The following TIAM2 variants were observed in gnomAD, a reference collection of about 807,000 sequenced individuals.
TIAM2 encodes the protein TIAM Rac1 associated GEF 2.
In TIAM2, 80 loss-of-function variants were observed where a neutral mutation model predicts 152.9. The observed-to-expected ratio is 0.52, with a 90% CI of 0.44 to 0.63. The LOEUF (loss-of-function observed/expected upper bound fraction) is 0.63. TIAM2 is among the 30% of genes least tolerant of loss of function. The probability of loss-of-function intolerance (pLI) is 0.00; values close to 1 mark genes in which losing one functional copy is unlikely to be tolerated. For synonymous variants in TIAM2, 804 were observed against 838.0 expected (o/e 0.96, Z 0.70); for missense variants, 1,965 against 2,120.1 (o/e 0.93, Z 1.44).
chr6:155,071,984 G>T (rs113016298), intron 1 of TIAM2, among the ~76,000 whole-genome samples: 3 of 152,056 alleles, frequency 2.0e-5, no homozygotes, highest in African/African-American at 7.2e-5. Flanking sequence ...AACCGCTGAA[G>T]TGGCTCTTAA....
intron 14 of TIAM2, among the ~76,000 whole-genome samples, chr6:155,206,457 G>A (rs749399673): frequency 6.6e-6 from 1 of 152,050 alleles, no homozygotes; most frequent in Non-Finnish European, 1.5e-5. Context: ...GGATGGTCTC[G>A]ATCTCCTGAC....
chr6:155,033,141 C>A (rs1190440235), intron 1 of TIAM2, among the ~76,000 whole-genome samples: 3 of 152,164 alleles, frequency 2.0e-5, no homozygotes, highest in Non-Finnish European at 4.4e-5. Context: ...GTTAGTACAC[C>A]TGGATGTCAT....
At chr6:155,118,861 G>GT (rs1779082379) in intron 2 of TIAM2, among the ~76,000 whole-genome samples, 4 of 59,182 alleles carry the variant, frequency 6.8e-5, no homozygotes, top group African/African-American at 3.5e-4. Context: ...GAATGTGTGT[G>GT]CTTTTTTTTT....
Position 154,995,569 on chromosome 6 carries a change from CG to C in TIAM2, c.-209+81del. 6.6e-6 allele frequency: 1 copy of C among 150,950 alleles called. No individual in the cohort carries two copies. The highest frequency in any genetic ancestry group is 2.0e-4 in the East Asian group (1 of 5,020). 9.4% of individuals were successfully genotyped at this position (150,950 alleles called of 1,614,324 possible). ...GCGGCGGCTCCAGGTCCCCTGCGGG[CG>C]GGGCGGCGCGCGGCCGGCGGTCCCC... On this transcript the variant is annotated intron_variant, in intron 1 of 26. Coordinates refer to ENST00000682666, the MANE Select transcript of TIAM2 (RefSeq NM_012454.4). This position sits in a 1 kb window ranked among gnomAD's most constrained non-coding sequence, Gnocchi z 5.2.
At chr6:155,061,923 C>CTATCCTTCTA (rs1456890136) in intron 1 of TIAM2, among the ~76,000 whole-genome samples, 1 of 152,162 alleles carries the variant, frequency 6.6e-6, no homozygotes, top group African/African-American at 2.4e-5. Flanking sequence ...CACCACAGTG[C>CTATCCTTCTA]TGTACTGAAC....
At chr6:155,196,181 G>A (rs1055301217) in intron 14 of TIAM2, among the ~76,000 whole-genome samples, 5 of 152,130 alleles carry the variant, frequency 3.3e-5, no homozygotes, top group Admixed American at 6.5e-5. Context: ...AACAGAGCTC[G>A]CCCAGAGACT....
chr6:155,146,751 G>A (rs1020824959), intron 6 of TIAM2, among the ~76,000 whole-genome samples: 8 of 146,294 alleles, frequency 5.5e-5, no homozygotes, highest in African/African-American at 1.3e-4. Context: ...ACAGGTGCCC[G>A]CCGCTATGCC....
rs145713356 is a variant in TIAM2, at chr6:155,054,393, A to C, written c.-208-35896A>C. Among the ~76,000 whole-genome samples, 945 of 152,274 alleles carry C rather than the reference A, an allele frequency of 6.2e-3. 4 individuals carry two copies. The highest frequency in any genetic ancestry group is 8.7e-3 in the Non-Finnish European group (591 of 68,016). On this transcript the variant is annotated intron_variant, in intron 1 of 26. Coordinates refer to ENST00000682666, the MANE Select transcript of TIAM2 (RefSeq NM_012454.4). ...ATGAAAGCTGCTTTTTAAAGCAATTACTGTCTCTTGGCACTAAGTAATAGT... is the reference window on the plus strand; with the variant it reads ...ATGAAAGCTGCTTTTTAAAGCAATTCCTGTCTCTTGGCACTAAGTAATAGT...
Position 155,256,680 on chromosome 6 carries a change from A to G in TIAM2, c.4665A>G (p.Ala1555=), listed in dbSNP as rs1295255797. 6.2e-7 allele frequency: 1 copy of G among 1,614,088 alleles called. No individual in the cohort carries two copies. Among genetic ancestry groups the G allele is most frequent in the Non-Finnish European group, 8.5e-7 (1 of 1,180,036 alleles). The part of the protein sequence containing the change: ...SPGKYPHPGL[A]DFADNLIKES... The stretch of plus-strand genomic sequence containing the variant: ...GGAAATACCCACACCCCGGCTTGGC[A>G]GATTTTGCCGACAATCTCATCAAAG... Residue 1555 remains alanine, a synonymous_variant, in exon 27 of 27, where the codon GCA becomes GCG. Coordinates refer to ENST00000682666, the MANE Select transcript of TIAM2 (RefSeq NM_012454.4).
At chr6:155,110,644 T>C (rs901685839) in intron 2 of TIAM2, among the ~76,000 whole-genome samples, 1 of 152,226 alleles carries the variant, frequency 6.6e-6, no homozygotes, top group African/African-American at 2.4e-5. Context: ...CACATTCCAA[T>C]AGAAGACTGT....
At chr6:155,063,978 T>C (rs1777639922) in intron 1 of TIAM2, among the ~76,000 whole-genome samples, 1 of 151,952 alleles carries the variant, frequency 6.6e-6, no homozygotes. Flanking sequence ...TAGCCAAATA[T>C]TTATATGGAG....
At chr6:155,052,964 GC>G (rs1777352420) in intron 1 of TIAM2, among the ~76,000 whole-genome samples, 3 of 152,072 alleles carry the variant, frequency 2.0e-5, no homozygotes, top group Non-Finnish European at 4.4e-5. Context: ...TAGGAGAATT[GC>G]GTTATTAATG....
At chr6:155,200,361 A>G (rs944771042) in intron 14 of TIAM2, among the ~76,000 whole-genome samples, 2 of 152,030 alleles carry the variant, frequency 1.3e-5, no homozygotes, top group African/African-American at 4.8e-5. Flanking sequence ...ATTTCCTGTG[A>G]TTTGTTTCTT....
chr6:155,021,077 G>A (rs760070480), intron 1 of TIAM2, among the ~76,000 whole-genome samples: 20 of 152,044 alleles, frequency 1.3e-4, no homozygotes, highest in Non-Finnish European at 2.2e-4. Flanking sequence ...CTTTTAAAGC[G>A]AAATAATATT....
In TIAM2 at chr6:155,169,281, A is replaced by G. The variant is rs187838550; in HGVS notation, c.2361+3872A>G. Among the ~76,000 whole-genome samples, 1,024 of 152,310 alleles carry G rather than the reference A, an allele frequency of 6.7e-3. 6 individuals are homozygous for G. Among genetic ancestry groups the G allele is most frequent in the Middle Eastern group, 0.027 (8 of 294 alleles). ...AAGTGCTGGGATGACAGGGTGAGCC[A>G]CAGCACCCGGCCACAAATGCTAACT... On this transcript the variant is annotated intron_variant, in intron 9 of 26. Transcript: ENST00000682666.
Position 155,129,007 on chromosome 6 carries a change from A to G in TIAM2, c.-6-211A>G, listed in dbSNP as rs73794468. On this transcript the variant is annotated intron_variant, in intron 3 of 26. Transcript: ENST00000682666. The surrounding 1 kb of genome is among the most constrained non-coding windows in gnomAD (Gnocchi z 4.8). The stretch of plus-strand genomic sequence containing the variant: ...ATAATGTCTTTAAAATAATTAGCAG[A>G]CAGGTGTGCAGTGTTGTCTGTCTAG... 0.053 allele frequency among the ~76,000 whole-genome samples: 8,068 copies of G among 152,272 alleles called. 489 individuals carry two copies. Among genetic ancestry groups the G allele is most frequent in the African/African-American group, 0.15 (6,242 of 41,530 alleles).
chr6:155,251,894 T>C lies in TIAM2; in HGVS notation c.4061-51T>C, dbSNP rs377106927. On this transcript the variant is annotated intron_variant, in intron 22 of 26. Transcript: ENST00000682666. ...AAGACGTTCAGCTCTAGTTTAACCT[T>C]GGAAGAGTTTGCATAAAATAAAGAC... The C allele has an allele frequency of 2.8e-6, 4 of 1,441,590 alleles. No homozygotes were observed. The African/African-American group carries it at 5.7e-5, about 20-fold the overall frequency. The allele number at this position is 1,441,590 out of a possible 1,614,324, so 89.3% of individuals were successfully genotyped here. A position where few individuals can be genotyped will look rare whatever the true frequency, so the allele number is the denominator to read the frequency against.
rs1346324755 is a variant in TIAM2, at chr6:155,156,469, A to G, written c.2029-7946A>G. Among the ~76,000 whole-genome samples, 2 of 152,144 alleles carry G rather than the reference A, an allele frequency of 1.3e-5. No homozygotes were observed. The highest frequency in any genetic ancestry group is 3.9e-4 in the East Asian group (2 of 5,184). ...CAGGAGTTCAAGACTAGCCTGGCCA[A>G]TGTGGTGAAACCCCGTCTCTACTAA... On this transcript the variant is annotated intron_variant, in intron 7 of 26. Coordinates refer to ENST00000682666, the MANE Select transcript of TIAM2 (RefSeq NM_012454.4). The surrounding 1 kb of genome is among the most constrained non-coding windows in gnomAD (Gnocchi z 4.4).
Position 155,144,142 on chromosome 6 carries a change from G to A in TIAM2, c.1631-464G>A, listed in dbSNP as rs975933164. Reference sequence around the variant, plus strand: ...TTTAAACACTGAAGCCCTCAACATCGTCTTTGGAGAAAAGCACAGACCACA... The same window carrying A: ...TTTAAACACTGAAGCCCTCAACATCATCTTTGGAGAAAAGCACAGACCACA... On this transcript the variant is annotated intron_variant, in intron 5 of 26. Transcript: ENST00000682666. 6.6e-5 allele frequency among the ~76,000 whole-genome samples: 10 copies of A among 152,090 alleles called. No homozygotes were observed. In the East Asian group the frequency reaches 1.7e-3, roughly 26 times the overall value.
Sources: gnomAD v4.1 joint callset for allele counts (sites outside exome capture counted in the v4.1 genomes callset) on GRCh38, gnomAD v4.1.1 for gene constraint, Gnocchi (gnomAD v3.1) non-coding constraint, MANE v1.5 for transcripts, NCBI Gene and HGNC (gene_info 2026-07-23, HGNC 2026-07-21) for gene names.